Variants in RAPGEF2 observed in about 807,000 individuals in gnomAD.
The protein encoded by RAPGEF2 is PDZ domain containing guanine nucleotide exchange factor (GEF) 1.
RAPGEF2 carries 54 observed loss-of-function variants against 186.7 expected under a neutral mutation model. The ratio of observed to expected loss-of-function variants is 0.29; its 90% CI spans 0.23 to 0.36. The LOEUF (loss-of-function observed/expected upper bound fraction) is 0.36, where lower values mean the gene tolerates loss of function less well. RAPGEF2 is among the 10% of genes least tolerant of loss of function. The pLI is 1.00. For missense variants in RAPGEF2, 1,532 were observed against 2,045.0 expected, an observed-to-expected ratio of 0.75 and a Z score of 4.84; for synonymous variants, 712 against 705.9, an observed-to-expected ratio of 1.01 and a Z score of -0.14.
intron 1 of RAPGEF2, among the ~76,000 whole-genome samples, chr4:159,154,226 A>G (rs1743867860): frequency 6.6e-6 from 1 of 152,212 alleles, no homozygotes; most frequent in South Asian, 2.1e-4. Context: ...GCTAACTAGA[A>G]GGTTGTTCAA....
Position 159,191,818 on chromosome 4 carries a change from A to G in RAPGEF2, c.141-1382A>G, listed in dbSNP as rs530825287. Among the ~76,000 whole-genome samples the G allele has an allele frequency of 4.6e-5, 7 of 152,270 alleles. No homozygotes were observed. In the South Asian group the frequency reaches 1.5e-3, roughly 32 times the overall value. On this transcript the variant is annotated intron_variant, in intron 2 of 29. Coordinates refer to ENST00000691494, the MANE Select transcript of RAPGEF2 (RefSeq NM_001394067.2). Reference sequence around the variant, plus strand: ...GTGATGGGAAAAAAGCAAAATATAGATAATAGCTGGAAGGAGATGTGAGGT... The same window carrying G: ...GTGATGGGAAAAAAGCAAAATATAGGTAATAGCTGGAAGGAGATGTGAGGT...
At position 159,172,684 on chromosome 4, in the gene RAPGEF2, A is replaced by G. The variant is rs1342607364; in HGVS notation, c.70-13958A>G. On this transcript the variant is annotated intron_variant, in intron 1 of 29. Transcript: ENST00000691494. ...CCTCTGTAAGTGGGGGAGGTAGAAC[A>G]GTTATCAGTAGGATAAGTAAAGTGA... Among the ~76,000 whole-genome samples, 3 of 152,204 alleles carry G rather than the reference A, an allele frequency of 2.0e-5. No homozygotes were observed. The East Asian group carries it at 5.8e-4, about 29-fold the overall frequency.
At chr4:159,166,024 G>T (rs1332705452) in intron 1 of RAPGEF2, among the ~76,000 whole-genome samples, 1 of 152,138 alleles carries the variant, frequency 6.6e-6, no homozygotes, top group African/African-American at 2.4e-5. Context: ...GTGCTCCAAA[G>T]ATGTAAGGAA....
At position 159,250,665 on chromosome 4, in the gene RAPGEF2, CTTTTTTTT is replaced by C. The variant is rs34304252; in HGVS notation, c.543+6888_543+6895del. Among the ~76,000 whole-genome samples the C allele has an allele frequency of 4.9e-5, 6 of 123,030 alleles. No individual in the cohort carries two copies. The East Asian group carries it at 7.2e-4, about 15-fold the overall frequency. 80.7% of individuals were successfully genotyped at this position (123,030 alleles called of 152,430 possible). A position where few individuals can be genotyped will look rare whatever the true frequency, so the allele number is the denominator to read the frequency against. ...CCTTTCACCAATTATTAGCACTCTT[CTTTTTTTT>C]TTTTTTTTTTTTTGGGACAGGGTCT... On this transcript the variant is annotated intron_variant, in intron 7 of 29. Coordinates refer to ENST00000691494, the MANE Select transcript of RAPGEF2 (RefSeq NM_001394067.2).
At chr4:159,327,150 T>G (rs1025740838) in intron 11 of RAPGEF2, 11 of 152,234 alleles carry the variant, frequency 7.2e-5, no homozygotes, top group African/African-American at 2.2e-4. Context: ...TTAATTTTAT[T>G]TCATTCATCA....
At chr4:159,336,336 C>A (rs1037115212) in intron 17 of RAPGEF2, among the ~76,000 whole-genome samples, 2 of 152,090 alleles carry the variant, frequency 1.3e-5, no homozygotes, top group Non-Finnish European at 1.5e-5. Context: ...CACCCTTCCC[C>A]TTCTGAGTCT....
Position 159,229,189 on chromosome 4 carries a change from G to A in RAPGEF2, c.282-9620G>A, listed in dbSNP as rs560341629. 7 of 152,264 alleles carry A rather than the reference G, an allele frequency of 4.6e-5. No individual in the cohort carries two copies. In the East Asian group the frequency reaches 1.3e-3, roughly 29 times the overall value. The allele number at this position is 152,264 out of a possible 1,614,324, so 9.4% of individuals were successfully genotyped here. A position where few individuals can be genotyped will look rare whatever the true frequency, so the allele number is the denominator to read the frequency against. On this transcript the variant is annotated intron_variant, in intron 4 of 29. Transcript: ENST00000691494. Reference sequence around the variant, plus strand: ...TTTAATCATTTTGTAAATTAGGATTGCCCACCAGTATATCTGCTTGACTCC... The same window carrying A: ...TTTAATCATTTTGTAAATTAGGATTACCCACCAGTATATCTGCTTGACTCC...
At chr4:159,114,075 C>T (rs1738783551) in intron 1 of RAPGEF2, among the ~76,000 whole-genome samples, 1 of 151,430 alleles carries the variant, frequency 6.6e-6, no homozygotes, top group East Asian at 1.9e-4. Context: ...ACCTTAGGCT[C>T]CTGAGTAGCT....
At position 159,350,221 on chromosome 4, in the gene RAPGEF2, A is replaced by T. The variant is rs1472401494; in HGVS notation, c.3797A>T (p.Asp1266Val). The change falls in exon 26 of 30, where the codon GAT (aspartate) becomes GTT (valine). Residue 1266 changes from aspartate to valine, a missense_variant. Around this residue, in one of 4 missense-constraint regions of RAPGEF2, gnomAD observed 594 missense variants for 608.5 expected, o/e 0.98. Coordinates refer to ENST00000691494, the MANE Select transcript of RAPGEF2 (RefSeq NM_001394067.2). The part of the protein sequence containing the change: ...SLERHKKQAE[D>V]TISNASSQLS... ...GAACGTCACAAGAAACAGGCTGAAGATACAATATCAAATGCATCTTCGCAG... is the reference window on the plus strand; with the variant it reads ...GAACGTCACAAGAAACAGGCTGAAGTTACAATATCAAATGCATCTTCGCAG... 2 of 1,600,958 alleles carry T rather than the reference A, an allele frequency of 1.2e-6. No individual in the cohort carries two copies. Among genetic ancestry groups the T allele is most frequent in the Non-Finnish European group, 1.7e-6 (2 of 1,173,686 alleles).
At position 159,332,497 on chromosome 4, in the gene RAPGEF2, T is replaced by A; in HGVS notation, c.1935T>A (p.Gly645=). 6.2e-7 allele frequency: 1 copy of A among 1,613,956 alleles called. No individual in the cohort carries two copies. Among genetic ancestry groups the A allele is most frequent in the Non-Finnish European group, 8.5e-7 (1 of 1,179,860 alleles). ...LTRLSEEKRN[G]APHLPKIGDI... is the part of the protein sequence containing the mutation. The stretch of plus-strand genomic sequence containing the variant: ...GATTGTCAGAAGAGAAAAGAAATGG[T>A]GCCCCCCACCTTCCTAAAATTGGTG... The change falls in exon 17 of 30, where the codon GGT becomes GGA. Residue 645 remains glycine (G), a synonymous_variant. Coordinates refer to ENST00000691494, the MANE Select transcript of RAPGEF2 (RefSeq NM_001394067.2).
chr4:159,294,867 A>AT (rs1761739071), intron 7 of RAPGEF2, among the ~76,000 whole-genome samples: 1 of 151,922 alleles, frequency 6.6e-6, no homozygotes, highest in African/African-American at 2.4e-5. Context: ...TAATTTTTAT[A>AT]TTTTTAGTAG....
At chr4:159,223,264 C>T (rs1751711257) in intron 4 of RAPGEF2, among the ~76,000 whole-genome samples, 1 of 151,856 alleles carries the variant, frequency 6.6e-6, no homozygotes, top group African/African-American at 2.4e-5. Flanking sequence ...AGAATTTCTG[C>T]TATCTAGTGT....
In RAPGEF2 at chr4:159,104,002, G is replaced by T. The variant is rs1253578904; in HGVS notation, c.-161G>T. 5.8e-6 allele frequency: 1 copy of T among 171,316 alleles called. No homozygotes were observed. Among genetic ancestry groups the T allele is most frequent in the African/African-American group, 2.4e-5 (1 of 41,490 alleles). The allele number at this position is 171,316 out of a possible 1,614,324, so 10.6% of individuals were successfully genotyped here. ...GCTCTCGGCCGCCGGGCCCAGCCGA[G>T]CCGCCCCCCCGCGGGCCCCGCGCCG... On this transcript the variant is annotated 5_prime_UTR_variant, in exon 1 of 30. Transcript: ENST00000691494.
At chr4:159,274,773 T>A (rs1388049843) in intron 7 of RAPGEF2, among the ~76,000 whole-genome samples, 2 of 152,140 alleles carry the variant, frequency 1.3e-5, no homozygotes, top group East Asian at 3.8e-4. Flanking sequence ...ATTAAGAAAC[T>A]AATAGAAAAA....
chr4:159,249,804 C>T (rs919709484), intron 7 of RAPGEF2, among the ~76,000 whole-genome samples: 2 of 152,008 alleles, frequency 1.3e-5, no homozygotes, highest in South Asian at 2.1e-4. Context: ...ATTTAAAATA[C>T]ATAAGTTAAT....
intron 7 of RAPGEF2, among the ~76,000 whole-genome samples, chr4:159,285,745 C>T (rs547818625): frequency 6.6e-6 from 1 of 152,104 alleles, no homozygotes; most frequent in African/African-American, 2.4e-5. Flanking sequence ...TTATTGATTT[C>T]AAGAATCACT....
intron 7 of RAPGEF2, among the ~76,000 whole-genome samples, chr4:159,277,474 A>G (rs1219163346): frequency 6.6e-6 from 1 of 152,148 alleles, no homozygotes; most frequent in Non-Finnish European, 1.5e-5. Flanking sequence ...TGGTATTTCT[A>G]GTTCTGGATC....
chr4:159,311,296 A>G (rs1330873441), intron 8 of RAPGEF2, among the ~76,000 whole-genome samples: 1 of 152,170 alleles, frequency 6.6e-6, no homozygotes, highest in Non-Finnish European at 1.5e-5. Flanking sequence ...ACCAGAATGT[A>G]TTTGTGCAGT....
chr4:159,193,100 A>C (rs888631009), intron 2 of RAPGEF2, 100 bp from the exon 3 acceptor site: 29 of 522,226 alleles, frequency 5.6e-5, no homozygotes, highest in Non-Finnish European at 7.8e-5. Context: ...ACCATATAAA[A>C]TAATCAATTT....
Sources: gnomAD v4.1 joint callset for allele counts (sites outside exome capture counted in the v4.1 genomes callset) on GRCh38, gnomAD v4.1.1 for gene constraint, gnomAD v4.1.1 regional missense constraint, MANE v1.5 for transcripts, NCBI Gene and HGNC (gene_info 2026-07-23, HGNC 2026-07-21) for gene names.